Variants in CLSTN2 observed in about 807,000 individuals in gnomAD.
The protein encoded by CLSTN2 is calsyntenin-2.
A neutral mutation model predicts 101.2 loss-of-function variants in CLSTN2; 48 were observed. That is an observed-to-expected ratio of 0.47 (90% confidence interval 0.38 to 0.60). The LOEUF (loss-of-function observed/expected upper bound fraction) is 0.60, where lower values mean the gene tolerates loss of function less well. Ranked by LOEUF, CLSTN2 falls within the 20% of genes least tolerant of loss-of-function variation. The pLI is 0.00. For missense variants in CLSTN2, 1,160 were observed against 1,238.2 expected, an observed-to-expected ratio of 0.94 and a Z score of 0.95; for synonymous variants, 481 against 463.6, an observed-to-expected ratio of 1.04 and a Z score of -0.48.
intron 2 of CLSTN2, among the ~76,000 whole-genome samples, chr3:140,302,733 G>A (rs1422070577): frequency 6.6e-6 from 1 of 152,172 alleles, no homozygotes; most frequent in South Asian, 2.1e-4. Context: ...CTACTGTCCA[G>A]CTGCAGGAGT....
intron 5 of CLSTN2, 113 bp downstream of exon 5, chr3:140,421,387 G>T (rs1171300069): frequency 7.9e-7 from 1 of 1,262,128 alleles, no homozygotes; most frequent in Non-Finnish European, 1.1e-6. Context: ...CAGTCACTTT[G>T]CTGTGAGAAA....
At chr3:140,478,074 G>A (rs1934025975) in intron 8 of CLSTN2, among the ~76,000 whole-genome samples, 1 of 152,134 alleles carries the variant, frequency 6.6e-6, no homozygotes, top group South Asian at 2.1e-4. Flanking sequence ...TGTTACCACA[G>A]CATTTTTACA....
At chr3:140,561,127 A>G (rs899971560) in intron 12 of CLSTN2, among the ~76,000 whole-genome samples, 1 of 152,012 alleles carries the variant, frequency 6.6e-6, no homozygotes, top group Admixed American at 6.6e-5. Context: ...ATAACACACA[A>G]AGTATATTTA....
At chr3:140,553,467 A>G (rs1935744093) in intron 10 of CLSTN2, among the ~76,000 whole-genome samples, 1 of 152,210 alleles carries the variant, frequency 6.6e-6, no homozygotes, top group South Asian at 2.1e-4. Context: ...CAGTCCACAA[A>G]GCCCATGCTC....
chr3:140,222,885 A>AAC (rs1308598556), intron 2 of CLSTN2, among the ~76,000 whole-genome samples: 1 of 151,240 alleles, frequency 6.6e-6, no homozygotes, highest in Non-Finnish European at 1.5e-5. Flanking sequence ...AAAAAAAAAA[A>AAC]AAACACTGCT....
intron 2 of CLSTN2, among the ~76,000 whole-genome samples, chr3:140,360,762 A>T (rs1051211004): frequency 6.6e-6 from 1 of 152,254 alleles, no homozygotes; most frequent in African/African-American, 2.4e-5. Context: ...ATGAAATGGA[A>T]AAAAGTCGAA....
chr3:140,402,037 G>A (rs2088248439), intron 2 of CLSTN2, among the ~76,000 whole-genome samples: 2 of 152,146 alleles, frequency 1.3e-5, no homozygotes, highest in South Asian at 2.1e-4. Context: ...GCGGGGGAGT[G>A]GGAGATGGGG....
At chr3:140,129,840 G>A (rs1455688975) in intron 1 of CLSTN2, among the ~76,000 whole-genome samples, 1 of 152,138 alleles carries the variant, frequency 6.6e-6, no homozygotes, top group Non-Finnish European at 1.5e-5. Flanking sequence ...TCTGCATGCC[G>A]ACACAGTGAG....
At chr3:140,365,080 C>A (rs2107952667) in intron 2 of CLSTN2, among the ~76,000 whole-genome samples, 1 of 152,246 alleles carries the variant, frequency 6.6e-6, no homozygotes, top group South Asian at 2.1e-4. Flanking sequence ...GAGACCTGAA[C>A]AATGAGTGTG....
intron 6 of CLSTN2, among the ~76,000 whole-genome samples, chr3:140,456,460 G>C (rs550148398): frequency 1.8e-4 from 28 of 152,142 alleles, no homozygotes; most frequent in Middle Eastern, 3.2e-3. Flanking sequence ...GCCCAGTAAG[G>C]GTTCATAGGA....
chr3:140,459,793 C>T (rs1362920085), intron 7 of CLSTN2, 24 bp downstream of exon 7: 29 of 1,562,144 alleles, frequency 1.9e-5, no homozygotes, highest in Non-Finnish European at 2.4e-5. Context: ...CCAGCCCTTC[C>T]ACCCCTCCTA....
chr3:140,491,547 T>G (rs1408982367), intron 8 of CLSTN2, among the ~76,000 whole-genome samples: 1 of 152,186 alleles, frequency 6.6e-6, no homozygotes, highest in Non-Finnish European at 1.5e-5. Flanking sequence ...TTAGACTGGG[T>G]GTGGTAGCTC....
At chr3:140,296,103 G>A (rs1456671601) in intron 2 of CLSTN2, among the ~76,000 whole-genome samples, 1 of 152,122 alleles carries the variant, frequency 6.6e-6, no homozygotes, top group African/African-American at 2.4e-5. Context: ...CCTGACCAAT[G>A]TGTCTTTTCT....
At chr3:140,080,198 A>AG (rs2008573091) in intron 1 of CLSTN2, among the ~76,000 whole-genome samples, 1 of 152,178 alleles carries the variant, frequency 6.6e-6, no homozygotes, top group Non-Finnish European at 1.5e-5. Context: ...TCCTTCTCTG[A>AG]AGCCCAGTGA....
intron 1 of CLSTN2, among the ~76,000 whole-genome samples, chr3:139,947,246 C>G (rs1004244190): frequency 2.0e-5 from 3 of 152,172 alleles, no homozygotes; most frequent in African/African-American, 7.2e-5. Flanking sequence ...CTCCCTGACT[C>G]TGCAGTTAGA....
intron 8 of CLSTN2, among the ~76,000 whole-genome samples, chr3:140,483,260 C>T (rs547120204): frequency 3.9e-5 from 6 of 152,158 alleles, no homozygotes; most frequent in South Asian, 2.1e-4. Context: ...GTTTTGAGTG[C>T]GTTTCTTAAT....
chr3:140,181,449 A>G (rs780342863), intron 2 of CLSTN2, among the ~76,000 whole-genome samples: 4 of 152,090 alleles, frequency 2.6e-5, no homozygotes, highest in Non-Finnish European at 5.9e-5. Flanking sequence ...AAAAAGAGAA[A>G]AGTTTTGAGT....
At chr3:140,535,906 G>T (rs1339530521) in intron 9 of CLSTN2, among the ~76,000 whole-genome samples, 1 of 152,176 alleles carries the variant, frequency 6.6e-6, no homozygotes, top group Non-Finnish European at 1.5e-5. Context: ...AAAGGCAGGA[G>T]CTAATGTGTA....
At chr3:140,359,813 T>C (rs908249094) in intron 2 of CLSTN2, among the ~76,000 whole-genome samples, 16 of 152,070 alleles carry the variant, frequency 1.1e-4, no homozygotes, top group Non-Finnish European at 1.8e-4. Flanking sequence ...AACTAGTCAC[T>C]TGACAGCAAC....
Sources: allele counts gnomAD v4.1 joint callset (sites outside exome capture counted in the v4.1 genomes callset), GRCh38; gene constraint gnomAD v4.1.1; transcripts MANE v1.5; gene names NCBI Gene and HGNC (gene_info 2026-07-23, HGNC 2026-07-21).